The following ADAMTS1 variants were observed in gnomAD, a reference collection of about 807,000 sequenced individuals.
ADAMTS1 encodes the protein A disintegrin and metalloproteinase with thrombospondin motifs 1.
ADAMTS1 carries 19 observed loss-of-function variants against 87.9 expected under a neutral mutation model. The observed-to-expected ratio is 0.22, with a 90% CI of 0.15 to 0.32. The LOEUF (loss-of-function observed/expected upper bound fraction) is 0.32, where lower values mean the gene tolerates loss of function less well. ADAMTS1 is among the 10% of genes least tolerant of loss of function. ADAMTS1 has a pLI of 1.00. For synonymous variants in ADAMTS1, 542 were observed against 501.8 expected, an observed-to-expected ratio of 1.08 and a Z score of -1.07; for missense variants, 1,240 against 1,259.1, an observed-to-expected ratio of 0.98 and a Z score of 0.23.
rs1190938840 is a variant in ADAMTS1, at chr21:26,836,602, C to G, written c.*977G>C. On this transcript the variant is annotated 3_prime_UTR_variant, in exon 9 of 9. Coordinates refer to ENST00000284984, the MANE Select transcript of ADAMTS1 (RefSeq NM_006988.5). ...TGTTGGACCAGCTGCTGGAGATGGA[C>G]CTGCTACCCCTCAGCAGCCTCCCCA... 1 of 152,564 alleles carries G rather than the reference C, an allele frequency of 6.6e-6. No homozygotes were observed. 9.5% of individuals were successfully genotyped at this position (152,564 alleles called of 1,614,324 possible).
In ADAMTS1 at chr21:26,841,068, G is replaced by T. The variant is rs749858005; in HGVS notation, c.1308C>A (p.Asn436Lys). The change falls in exon 4 of 9, where the codon AAC (asparagine) becomes AAA (lysine). Residue 436 changes from asparagine to lysine, a missense_variant. By Grantham distance (94) the Asn-to-Lys change is moderately conservative. This residue lies in a region of ADAMTS1 where 317 missense variants were observed against 410.3 expected (regional missense o/e 0.77). Coordinates refer to ENST00000284984, the MANE Select transcript of ADAMTS1 (RefSeq NM_006988.5). ...DSHMMASMLS[N>K]LDHSQPWSPC... ...GAGACCAAGGCTGGCTGTGGTCCAGGTTGGAAAGCATTGACGCCATCATGT... is the reference window on the plus strand; with the variant it reads ...GAGACCAAGGCTGGCTGTGGTCCAGTTTGGAAAGCATTGACGCCATCATGT... 1 of 1,614,196 alleles carries T rather than the reference G, an allele frequency of 6.2e-7. No individual in the cohort carries two copies. The highest frequency in any genetic ancestry group is 1.1e-5 in the South Asian group (1 of 91,086).
chr21:26,842,856 TCTCTC>T lies in ADAMTS1; in HGVS notation c.731-176_731-172del, dbSNP rs75379832. On this transcript the variant is annotated intron_variant, in intron 1 of 8. Transcript: ENST00000284984. ...TCACTCCAAGTGTTATTTTTAAAGT[TCTCTC>T]CTCTCCTTTAAATAAAAAGACCACG... The T allele has an allele frequency of 2.6e-3, 1,602 of 613,556 alleles. 30 individuals are homozygous for T. Among genetic ancestry groups the T allele is most frequent in the East Asian group, 0.022 (792 of 36,304 alleles). The allele number at this position is 613,556 out of a possible 1,614,324, so 38.0% of individuals were successfully genotyped here.
Position 26,842,504 on chromosome 21 carries a change from C to T in ADAMTS1, c.912G>A (p.Leu304=), listed in dbSNP as rs538131508. The T allele has an allele frequency of 1.2e-6, 2 of 1,614,188 alleles. No individual in the cohort carries two copies. Among genetic ancestry groups the T allele is most frequent in the South Asian group, 2.2e-5 (2 of 91,082 alleles). Residue 304 remains leucine, a synonymous_variant, in exon 2 of 9, where the codon CTG becomes CTA. Coordinates refer to ENST00000284984, the MANE Select transcript of ADAMTS1 (RefSeq NM_006988.5). ...GGATGACCAAGATCTTCACCACCAC[C>T]AGGCTAACTGAATTACGAATGCTGG... The part of the protein sequence containing the change: ...KHPSIRNSVS[L]VVVKILVIHD...
rs1280884651 is a variant in ADAMTS1 at position 26,839,775 on chromosome 21, T to TA, written c.1853-14dup. Reference sequence around the variant, plus strand: ...CTAAAGGTTTTTCCTGGAAAGAGAATAATATGATAACATTATCAGTTTCCA... The same window carrying TA: ...CTAAAGGTTTTTCCTGGAAAGAGAATAAATATGATAACATTATCAGTTTCCA... On this transcript the variant is annotated splice_polypyrimidine_tract_variant and intron_variant, in intron 6 of 8. Coordinates refer to ENST00000284984, the MANE Select transcript of ADAMTS1 (RefSeq NM_006988.5). The TA allele has an allele frequency of 6.2e-7, 1 of 1,604,448 alleles. No homozygotes were observed.
Position 26,844,563 on chromosome 21 carries a change from C to T in ADAMTS1, c.392G>A (p.Gly131Asp), listed in dbSNP as rs1985574389. Residue 131 changes from glycine (G) to aspartate (D), a missense_variant, in exon 1 of 9, where the codon GGC becomes GAC. Gly to Asp is a moderately conservative substitution (Grantham distance 94). Around this residue, in one of 3 missense-constraint regions of ADAMTS1, gnomAD observed 521 missense variants for 449.7 expected, o/e 1.16. Coordinates refer to ENST00000284984, the MANE Select transcript of ADAMTS1 (RefSeq NM_006988.5). ...AHCFYSGTVN[G>D]DPSSAAALSL... ...GAGGGCGGCAGCCGAGCTGGGATCGCCATTCACGGTGCCGGAGTAGAAGCA... is the reference window on the plus strand; with the variant it reads ...GAGGGCGGCAGCCGAGCTGGGATCGTCATTCACGGTGCCGGAGTAGAAGCA... 6.2e-7 allele frequency: 1 copy of T among 1,610,492 alleles called. No individual in the cohort carries two copies. Among genetic ancestry groups the T allele is most frequent in the African/African-American group, 1.3e-5 (1 of 74,908 alleles).
Position 26,844,277 on chromosome 21 carries a change from C to T in ADAMTS1, c.678G>A (p.Gly226=), listed in dbSNP as rs774246188. 140 of 1,601,364 alleles carry T rather than the reference C, an allele frequency of 8.7e-5. 1 individual carries two copies. In the Middle Eastern group the frequency reaches 1.5e-3, roughly 17 times the overall value. Residue 226 remains glycine (G), a synonymous_variant, in exon 1 of 9, where the codon GGG becomes GGA. Coordinates refer to ENST00000284984, the MANE Select transcript of ADAMTS1 (RefSeq NM_006988.5). ...CCGGGTCCTGCGGCGACCACTGAGC[C>T]CCTTCGTCCTCGCCCTCAGTCCCTT... ...EDEGTEGEDE[G]AQWSPQDPAL... is the part of the protein sequence containing the mutation.
In ADAMTS1 at chr21:26,839,864, T is replaced by C. The variant is rs1985453769; in HGVS notation, c.1852+11A>G. On this transcript the variant is annotated intron_variant, in intron 6 of 8. Coordinates refer to ENST00000284984, the MANE Select transcript of ADAMTS1 (RefSeq NM_006988.5). ...TCCAGTTTCTTAAAACCAGAGTCCG[T>C]TGCTCCTCACCATTATTGTCTGGAC... 4 of 1,612,006 alleles carry C rather than the reference T, an allele frequency of 2.5e-6. No individual in the cohort carries two copies. The highest frequency in any genetic ancestry group is 3.4e-6 in the Non-Finnish European group (4 of 1,178,924).
Position 26,842,548 on chromosome 21 carries a change from C to T in ADAMTS1, c.868G>A (p.Ala290Thr), listed in dbSNP as rs773588899. 8.7e-6 allele frequency: 14 copies of T among 1,614,068 alleles called. No individual in the cohort carries two copies. The Admixed American group carries it at 2.3e-4, about 27-fold the overall frequency. Reference protein sequence around the residue: ...HYLLTLFSVAARLYKHPSIRN... With the variant: ...HYLLTLFSVATRLYKHPSIRN... ...ATGCTGGGGTGTTTGTACAATCTGG[C>T]TGCCACCGAAAACAACGTGAGAAGG... Residue 290 changes from alanine (A) to threonine (T), a missense_variant, in exon 2 of 9, where the codon GCC becomes ACC. Physicochemically the swap from Ala to Thr is moderately conservative, Grantham distance 58. This residue lies in a region of ADAMTS1 where 521 missense variants were observed against 449.7 expected (regional missense o/e 1.16). Coordinates refer to ENST00000284984, the MANE Select transcript of ADAMTS1 (RefSeq NM_006988.5).
At chr21:26,838,345 C>T in intron 8 of ADAMTS1, 67 bp from the exon 9 acceptor site, 2 of 1,573,480 alleles carry the variant, frequency 1.3e-6, no homozygotes, top group African/African-American at 1.4e-5. Flanking sequence ...AGCTTAAAAA[C>T]ACATTAATCT....
Position 26,844,933 on chromosome 21 carries a change from C to T in ADAMTS1, c.22G>A (p.Gly8Arg), listed in dbSNP as rs371937625. 5 of 1,510,338 alleles carry T rather than the reference C, an allele frequency of 3.3e-6. No homozygotes were observed. Among genetic ancestry groups the T allele is most frequent in the Non-Finnish European group, 4.4e-6 (5 of 1,131,346 alleles). The allele number at this position is 1,510,338 out of a possible 1,614,324, so 93.6% of individuals were successfully genotyped here. A position where few individuals can be genotyped will look rare whatever the true frequency, so the allele number is the denominator to read the frequency against. The change falls in exon 1 of 9, where the codon GGG becomes AGG. Residue 8 changes from glycine to arginine, a missense_variant. By Grantham distance (125) the Gly-to-Arg change is moderately radical. This residue lies in a region of ADAMTS1 where 521 missense variants were observed against 449.7 expected (regional missense o/e 1.16). Coordinates refer to ENST00000284984, the MANE Select transcript of ADAMTS1 (RefSeq NM_006988.5). ...CTGCCCAGCTTGCGCCTTCCGAACCCCTCGGGCACAGCTCGCTGCATTGGA... is the reference window on the plus strand; with the variant it reads ...CTGCCCAGCTTGCGCCTTCCGAACCTCTCGGGCACAGCTCGCTGCATTGGA... MQRAVPE[G>R]FGRRKLGSDM... is the part of the protein sequence containing the mutation.
intron 7 of ADAMTS1, chr21:26,839,355 G>C (rs1009415307): frequency 2.3e-6 from 1 of 425,674 alleles, no homozygotes; most frequent in African/African-American, 2.0e-5. Flanking sequence ...ATATAAAAGA[G>C]TAATAGCGAG....
intron 7 of ADAMTS1, 77 bp downstream of exon 7, chr21:26,839,510 G>T: frequency 7.5e-7 from 1 of 1,324,910 alleles, no homozygotes; most frequent in Non-Finnish European, 1.0e-6. Flanking sequence ...AGCAAAGAAA[G>T]TATAACAAAA....
chr21:26,844,439 G>A lies in ADAMTS1; in HGVS notation c.516C>T (p.Ala172=). 1 of 1,587,628 alleles carries A rather than the reference G, an allele frequency of 6.3e-7. No individual in the cohort carries two copies. The highest frequency in any genetic ancestry group is 1.1e-5 in the South Asian group (1 of 88,088). ...GTGGTGCCGGCGGCTTCTCCCCTGG[G>A]GCGGCGGTGGCGAGGCGCTCGCTGG... ...PAASERLATA[A]PGEKPPAPLQ... The change falls in exon 1 of 9, where the codon GCC becomes GCT. Residue 172 remains alanine (A), a synonymous_variant. Coordinates refer to ENST00000284984, the MANE Select transcript of ADAMTS1 (RefSeq NM_006988.5).
At position 26,844,658 on chromosome 21, in the gene ADAMTS1, G is replaced by C. The variant is rs1380153778; in HGVS notation, c.297C>G (p.Gly99=). 6 of 1,600,832 alleles carry C rather than the reference G, an allele frequency of 3.7e-6. No individual in the cohort carries two copies. Among genetic ancestry groups the C allele is most frequent in the African/African-American group, 1.3e-5 (1 of 74,792 alleles). Reference sequence around the variant, plus strand: ...TGCGCCCCACGTTCTGGAGCGTGAAGCCGGGCGCCAAAAAGCTGCTGTCGG... The same window carrying C: ...TGCGCCCCACGTTCTGGAGCGTGAACCCGGGCGCCAAAAAGCTGCTGTCGG... ...LRPDSSFLAP[G]FTLQNVGRKS... Residue 99 remains glycine (G), a synonymous_variant, in exon 1 of 9, where the codon GGC becomes GGG. Transcript: ENST00000284984.
intron 1 of ADAMTS1, chr21:26,842,997 T>C (rs893792658): frequency 2.7e-5 from 9 of 337,954 alleles, no homozygotes; most frequent in African/African-American, 1.9e-4. Context: ...TACCCAATTG[T>C]AGTAAAATCT....
At chr21:26,838,694 T>A in intron 7 of ADAMTS1, 80 bp from the exon 8 acceptor site, 1 of 1,397,786 alleles carries the variant, frequency 7.2e-7, no homozygotes, top group Non-Finnish European at 9.8e-7. Flanking sequence ...ACATTTTCTC[T>A]CTACTTTCCT....
In ADAMTS1 at chr21:26,844,242, C is replaced by T. The variant is rs1985558241; in HGVS notation, c.713G>A (p.Gly238Asp). The change falls in exon 1 of 9, where the codon GGC becomes GAC. Residue 238 changes from glycine (G) to aspartate (D), a missense_variant. Gly to Asp is a moderately conservative substitution (Grantham distance 94). Around this residue, in one of 3 missense-constraint regions of ADAMTS1, gnomAD observed 521 missense variants for 449.7 expected, o/e 1.16. Transcript: ENST00000284984. ...QWSPQDPALQ[G>D]VGQPTGTGSI... ...TCTTCTACCTGTGGGCTGTCCTACGCCTTGCAGTGCCGGGTCCTGCGGCGA... is the reference window on the plus strand; with the variant it reads ...TCTTCTACCTGTGGGCTGTCCTACGTCTTGCAGTGCCGGGTCCTGCGGCGA... 1 of 1,569,764 alleles carries T rather than the reference C, an allele frequency of 6.4e-7. No homozygotes were observed. Among genetic ancestry groups the T allele is most frequent in the Non-Finnish European group, 8.6e-7 (1 of 1,157,898 alleles).
At chr21:26,840,086 C>A in intron 5 of ADAMTS1, 25 bp from the exon 6 acceptor site, 1 of 1,601,822 alleles carries the variant, frequency 6.2e-7, no homozygotes, top group South Asian at 1.1e-5. Flanking sequence ...AAATCATCAG[C>A]ATTAGAATTA....
rs139731848 is a variant in ADAMTS1, at chr21:26,841,683, T to C, written c.1210+175A>G. ...AATGTCCAGAGCTACTACTATCTTA[T>C]TTTTTACTTTAATAAAAATGACCAT... On this transcript the variant is annotated intron_variant, in intron 3 of 8. Transcript: ENST00000284984. 2.1e-4 allele frequency: 148 copies of C among 697,536 alleles called. No homozygotes were observed. In the African/African-American group the frequency reaches 2.5e-3, roughly 12 times the overall value. 43.2% of individuals were successfully genotyped at this position (697,536 alleles called of 1,614,324 possible).
Sources: allele counts gnomAD v4.1 joint callset, GRCh38; gene constraint gnomAD v4.1.1; regional missense constraint gnomAD v4.1.1; transcripts MANE v1.5; gene names NCBI Gene and HGNC (gene_info 2026-07-23, HGNC 2026-07-21).